TIAM1: variants seen among roughly 807,000 people sequenced by gnomAD.
TIAM1 encodes the protein rho guanine nucleotide exchange factor TIAM1.
A neutral mutation model predicts 163.5 loss-of-function variants in TIAM1; 65 were observed. The observed-to-expected ratio is 0.40, with a 90% CI of 0.33 to 0.49. TIAM1 has a LOEUF of 0.49. TIAM1 is among the 20% of genes least tolerant of loss of function. The probability of loss-of-function intolerance (pLI) is 0.77; values close to 1 mark genes in which losing one functional copy is unlikely to be tolerated. For missense variants in TIAM1, 1,789 were observed against 2,044.7 expected, an observed-to-expected ratio of 0.87 and a Z score of 2.41; for synonymous variants, 833 against 810.1, an observed-to-expected ratio of 1.03 and a Z score of -0.48.
chr21:31,269,017 TAA>T (rs1369545277), intron 3 of TIAM1, among the ~76,000 whole-genome samples: 1 of 152,136 alleles, frequency 6.6e-6, no homozygotes, highest in Non-Finnish European at 1.5e-5. Context: ...TATGAGGAAA[TAA>T]ATTGAGTAAA....
intron 2 of TIAM1, among the ~76,000 whole-genome samples, chr21:31,402,629 C>T (rs1188288572): frequency 6.6e-6 from 1 of 152,040 alleles, no homozygotes; most frequent in South Asian, 2.1e-4. Flanking sequence ...AGTATTTCCC[C>T]CCTCAGTTTC....
chr21:31,210,812 A>AAGAAAGAAAGAAAGAAAGAAAGAAAGGT (rs1300979066), intron 10 of TIAM1, among the ~76,000 whole-genome samples: 1 of 147,634 alleles, frequency 6.8e-6, no homozygotes, highest in African/African-American at 2.6e-5. Context: ...GAAAGAAAGA[A>AAGAAAGAAAGAAAGAAAGAAAGAAAGGT]AGGTCACCAT....
At chr21:31,240,100 T>C (rs889487244) in intron 6 of TIAM1, among the ~76,000 whole-genome samples, 2 of 152,154 alleles carry the variant, frequency 1.3e-5, no homozygotes, top group Non-Finnish European at 2.9e-5. Context: ...GAATGGTTGC[T>C]ATATGTCCCA....
intron 2 of TIAM1, among the ~76,000 whole-genome samples, chr21:31,334,393 TC>T (rs2075776012): frequency 6.6e-6 from 1 of 151,846 alleles, no homozygotes; most frequent in Non-Finnish European, 1.5e-5. Flanking sequence ...CAAGGGATTC[TC>T]CCCCTGCTCA....
At chr21:31,438,218 G>A (rs2044286674) in intron 2 of TIAM1, among the ~76,000 whole-genome samples, 1 of 103,434 alleles carries the variant, frequency 9.7e-6, no homozygotes, top group Admixed American at 1.3e-4. Flanking sequence ...TTGAGACAGA[G>A]TCTCACTGTG....
At chr21:31,551,321 C>A (rs916526772) in intron 1 of TIAM1, among the ~76,000 whole-genome samples, 5 of 151,582 alleles carry the variant, frequency 3.3e-5, no homozygotes, top group Non-Finnish European at 7.4e-5. Context: ...GACAGGAGAA[C>A]TGCTTGAACC....
At chr21:31,408,549 T>A (rs188806790) in intron 2 of TIAM1, among the ~76,000 whole-genome samples, 155 of 152,372 alleles carry the variant, frequency 1.0e-3, no homozygotes, top group African/African-American at 3.4e-3. Context: ...AGGAATTAGA[T>A]TTTAATGAAA....
chr21:31,419,237 T>C (rs995307623), intron 2 of TIAM1, among the ~76,000 whole-genome samples: 1 of 152,224 alleles, frequency 6.6e-6, no homozygotes, highest in Non-Finnish European at 1.5e-5. Flanking sequence ...TTGCTAATTC[T>C]CTTCAGCTGC....
intron 1 of TIAM1, among the ~76,000 whole-genome samples, chr21:31,537,799 T>C (rs149912833): frequency 5.9e-5 from 9 of 151,750 alleles, no homozygotes; most frequent in African/African-American, 1.9e-4. Context: ...CCCAAGAGGA[T>C]AGAAAACTAG....
At chr21:31,198,553 A>G (rs2086006228) in intron 12 of TIAM1, among the ~76,000 whole-genome samples, 1 of 152,222 alleles carries the variant, frequency 6.6e-6, no homozygotes, top group Non-Finnish European at 1.5e-5. Flanking sequence ...TAAATTCAAT[A>G]AGGTTTACAA....
At chr21:31,125,337 C>T (rs372609873) in intron 26 of TIAM1, among the ~76,000 whole-genome samples, 1 of 152,038 alleles carries the variant, frequency 6.6e-6, no homozygotes, top group African/African-American at 2.4e-5. Flanking sequence ...ATACGGCATC[C>T]GTGTAGGCAG....
chr21:31,213,493 C>G (rs2244187), intron 9 of TIAM1, 21 bp from the exon 10 acceptor site: 1 of 1,611,712 alleles, frequency 6.2e-7, no homozygotes, highest in Admixed American at 1.7e-5. Context: ...AAAAGTACCA[C>G]CTTAAAAAGG....
chr21:31,231,553 C>T (rs2088433011), intron 6 of TIAM1, among the ~76,000 whole-genome samples: 2 of 152,096 alleles, frequency 1.3e-5, no homozygotes, highest in African/African-American at 2.4e-5. Context: ...GAAGGAAAAA[C>T]GAAGGAAGCT....
chr21:31,124,241 C>T (rs889943136), intron 27 of TIAM1: 14 of 335,560 alleles, frequency 4.2e-5, no homozygotes, highest in East Asian at 1.0e-4. Context: ...GTCTGCAACC[C>T]GACTTGGCAA....
At chr21:31,310,786 C>T (rs2074894802) in intron 2 of TIAM1, among the ~76,000 whole-genome samples, 1 of 152,114 alleles carries the variant, frequency 6.6e-6, no homozygotes, top group African/African-American at 2.4e-5. Flanking sequence ...GCCAAAAACC[C>T]TAAAGGAAAG....
chr21:31,510,469 C>T (rs1205936504), intron 1 of TIAM1, among the ~76,000 whole-genome samples: 2 of 152,186 alleles, frequency 1.3e-5, no homozygotes, highest in African/African-American at 4.8e-5. Flanking sequence ...CGGGATTCAA[C>T]ATATGAAGTT....
chr21:31,205,925 A>T (rs981649690), intron 11 of TIAM1, among the ~76,000 whole-genome samples: 5 of 152,152 alleles, frequency 3.3e-5, no homozygotes, highest in African/African-American at 1.2e-4. Context: ...CTATGACTAC[A>T]CCACTGTACT....
rs77797781 is a variant in TIAM1, at chr21:31,302,241, C to A, written c.-188-25333G>T. On this transcript the variant is annotated intron_variant, in intron 2 of 27. Transcript: ENST00000541036. ...GTAACTGTCTTATATAAAATTAAAC[C>A]TTTACAACACAAAAAGAAACCACTT... is the stretch of plus-strand genomic sequence containing the variant. 3.8e-3 allele frequency among the ~76,000 whole-genome samples: 575 copies of A among 152,158 alleles called. 4 individuals carry two copies. Among genetic ancestry groups the A allele is most frequent in the African/African-American group, 0.013 (537 of 41,518 alleles).
Position 31,249,341 on chromosome 21 carries a change from T to A in TIAM1, c.1411+2401A>T, listed in dbSNP as rs562539212. Among the ~76,000 whole-genome samples, 7 of 152,286 alleles carry A rather than the reference T, an allele frequency of 4.6e-5. No individual in the cohort carries two copies. The South Asian group carries it at 1.5e-3, about 32-fold the overall frequency. The stretch of plus-strand genomic sequence containing the variant: ...GAAGAAACCAACCCTGCCAACACCT[T>A]GATCTTGGATTTCCAGCCTCCAGGA... On this transcript the variant is annotated intron_variant, in intron 5 of 27. Coordinates refer to ENST00000541036, the MANE Select transcript of TIAM1 (RefSeq NM_001353694.2).
Sources: allele counts gnomAD v4.1 joint callset (sites outside exome capture counted in the v4.1 genomes callset), GRCh38; gene constraint gnomAD v4.1.1; transcripts MANE v1.5; gene names NCBI Gene and HGNC (gene_info 2026-07-23, HGNC 2026-07-21).